The following HOXC5 variants were observed in gnomAD, a reference collection of about 807,000 sequenced individuals.
HOXC5 encodes homeobox C5.
HOXC5 carries 19 observed loss-of-function variants against 20.1 expected under a neutral mutation model. That is an observed-to-expected ratio of 0.94 (90% CI 0.66 to 1.38). The LOEUF is 1.38. HOXC5 is among the 40% of genes most tolerant of loss of function. The pLI, the probability that HOXC5 is intolerant of heterozygous loss-of-function variation, is 0.00. For missense variants in HOXC5, 330 were observed against 300.1 expected (o/e 1.10, Z -0.74); for synonymous variants, 124 against 117.0 (o/e 1.06, Z -0.39).
At chr12:54,026,889 A>C in the HOXC5 span, among the ~76,000 whole-genome samples, 1 of 152,120 alleles carries the variant, frequency 6.6e-6, no homozygotes, top group Non-Finnish European at 1.5e-5. Flanking sequence ...ACAGAAGGAA[A>C]AGATCATAAA....
At chr12:54,019,177 A>G in the HOXC5 span, among the ~76,000 whole-genome samples, 3 of 55,064 alleles carry the variant, frequency 5.4e-5, no homozygotes, top group Non-Finnish European at 1.2e-4. Context: ...CCCCTCCCCC[A>G]CCCCCCCACC....
chr12:54,023,249 C>T, the HOXC5 span, among the ~76,000 whole-genome samples: 9 of 152,144 alleles, frequency 5.9e-5, no homozygotes, highest in Admixed American at 2.0e-4. Context: ...CAGGGCTGAG[C>T]GTGATGGGGT....
Position 54,034,563 on chromosome 12 carries a change from T to A in HOXC5, c.*71T>A. The A allele has an allele frequency of 7.6e-7, 1 of 1,312,244 alleles. No individual in the cohort carries two copies. The highest frequency in any genetic ancestry group is 1.1e-6 in the Non-Finnish European group (1 of 925,380). The allele number at this position is 1,312,244 out of a possible 1,614,324, so 81.3% of individuals were successfully genotyped here. On this transcript the variant is annotated 3_prime_UTR_variant, in exon 2 of 2. Coordinates refer to ENST00000312492, the MANE Select transcript of HOXC5 (RefSeq NM_018953.4). ...TCCCTGCGCCTTTCCTTTTCGCCTTTCCTCTCTATATTTCGGGTCGGGGGC... is the reference window on the plus strand; with the variant it reads ...TCCCTGCGCCTTTCCTTTTCGCCTTACCTCTCTATATTTCGGGTCGGGGGC...
chr12:54,028,628 A>G (rs945202736), upstream of HOXC5: 2 of 1,614,026 alleles, frequency 1.2e-6, no homozygotes, highest in Non-Finnish European at 1.7e-6. Context: ...CCAGTGAGGC[A>G]TTTCTCGACC....
upstream of HOXC5, chr12:54,029,949 A>G: frequency 6.3e-7 from 1 of 1,579,856 alleles, no homozygotes; most frequent in Non-Finnish European, 8.6e-7. Context: ...GAAGAGGAGA[A>G]GCAGAAAGAG....
At chr12:54,034,220 G>A in intron 1 of HOXC5, 58 bp from the exon 2 acceptor site, 2 of 1,484,088 alleles carry the variant, frequency 1.3e-6, no homozygotes, top group Admixed American at 3.3e-5. Context: ...GGGTGGGGAC[G>A]GGGGAACGCT....
chr12:54,020,970 G>C, the HOXC5 span: 1 of 152,248 alleles, frequency 6.6e-6, no homozygotes, highest in Non-Finnish European at 1.5e-5. Flanking sequence ...AGTTCTGCGG[G>C]ATTCTTTTCA....
At chr12:54,031,961 T>A (rs1941003881), upstream of HOXC5, among the ~76,000 whole-genome samples, 1 of 152,204 alleles carries the variant, frequency 6.6e-6, no homozygotes, top group Admixed American at 6.5e-5. Context: ...CCAGAGACCT[T>A]TTCCCCAAAG....
At chr12:54,018,947 G>T in the HOXC5 span, among the ~76,000 whole-genome samples, 1 of 152,174 alleles carries the variant, frequency 6.6e-6, no homozygotes, top group Non-Finnish European at 1.5e-5. Context: ...TCGCCTGTGG[G>T]GGGGCGGGGA....
At chr12:54,033,679 C>A in intron 1 of HOXC5, 103 bp downstream of exon 1, 1 of 1,038,792 alleles carries the variant, frequency 9.6e-7, no homozygotes, top group Non-Finnish European at 1.4e-6. Context: ...ATTTTACGAT[C>A]CAGGCATCAA....
At chr12:54,029,941 A>C (rs781534587), upstream of HOXC5, 2 of 1,590,682 alleles carry the variant, frequency 1.3e-6, no homozygotes, top group Non-Finnish European at 1.7e-6. Context: ...AAGAGACAGA[A>C]GAGGAGAAGC....
At chr12:54,018,744 C>A in the HOXC5 span, among the ~76,000 whole-genome samples, 1 of 152,220 alleles carries the variant, frequency 6.6e-6, no homozygotes, top group Non-Finnish European at 1.5e-5. Context: ...CACACCCAGG[C>A]AGACACACCC....
chr12:54,021,758 G>A, the HOXC5 span: 6 of 152,448 alleles, frequency 3.9e-5, no homozygotes, highest in East Asian at 3.9e-4. Context: ...CCCAGCCCAC[G>A]GCCTCTGCCA....
At chr12:54,030,012 C>A, upstream of HOXC5, 1 of 1,415,274 alleles carries the variant, frequency 7.1e-7, no homozygotes, top group Non-Finnish European at 9.4e-7. Context: ...CGCTCCCCAC[C>A]AACTCTCCCC....
chr12:54,031,876 C>T (rs1357895361), upstream of HOXC5, among the ~76,000 whole-genome samples: 1 of 152,192 alleles, frequency 6.6e-6, no homozygotes, highest in Non-Finnish European at 1.5e-5. Context: ...CCCCCAGGTC[C>T]GCCCCATTCC....
chr12:54,020,597 A>C, the HOXC5 span: 1 of 151,934 alleles, frequency 6.6e-6, no homozygotes, highest in East Asian at 1.9e-4. Context: ...ATATATACAG[A>C]CTCATATTTC....
upstream of HOXC5, chr12:54,028,522 A>G: frequency 6.2e-7 from 1 of 1,613,532 alleles, no homozygotes; most frequent in Non-Finnish European, 8.5e-7. Context: ...AGGCAAAGGG[A>G]TGAATTCCTA....
chr12:54,030,979 G>A (rs568773164), upstream of HOXC5, among the ~76,000 whole-genome samples: 3 of 152,342 alleles, frequency 2.0e-5, no homozygotes, highest in East Asian at 1.9e-4. Flanking sequence ...CCTTCTGTTC[G>A]TTCTCGCGAT....
At chr12:54,029,849 G>A, upstream of HOXC5, 1 of 1,614,052 alleles carries the variant, frequency 6.2e-7, no homozygotes, top group Non-Finnish European at 8.5e-7. Flanking sequence ...GTGGAAAAAA[G>A]AATCTAATCT....
Sources: allele counts gnomAD v4.1 joint callset (sites outside exome capture counted in the v4.1 genomes callset), GRCh38; gene constraint gnomAD v4.1.1; transcripts MANE v1.5; gene names NCBI Gene and HGNC (gene_info 2026-07-23, HGNC 2026-07-21).